PCCA: variants seen among roughly 807,000 people sequenced by gnomAD.
PCCA encodes the protein propionyl-CoA carboxylase subunit alpha, also known as propionyl-CoA carboxylase alpha chain, mitochondrial.
PCCA carries 74 observed loss-of-function variants against 101.3 expected under a neutral mutation model. That is an observed-to-expected ratio of 0.73 (90% CI 0.61 to 0.89). PCCA has a LOEUF of 0.89. Ranked by LOEUF, PCCA falls within the 40% of genes least tolerant of loss-of-function variation. PCCA has a pLI of 0.00. For synonymous variants in PCCA, 294 were observed against 313.6 expected, an observed-to-expected ratio of 0.94 and a Z score of 0.66; for missense variants, 891 against 907.0, an observed-to-expected ratio of 0.98 and a Z score of 0.23.
intron 21 of PCCA, among the ~76,000 whole-genome samples, chr13:100,492,938 C>G (rs1367157319): frequency 6.6e-6 from 1 of 151,908 alleles, no homozygotes; most frequent in Non-Finnish European, 1.5e-5. Context: ...CAGTAAAATC[C>G]TCACATTCAC....
chr13:100,149,505 C>T (rs1047287044), intron 4 of PCCA: 1 of 152,152 alleles, frequency 6.6e-6, no homozygotes, highest in African/African-American at 2.4e-5. Context: ...ATTCTACTTT[C>T]AGGATAATTT....
At chr13:100,207,100 A>T (rs2058904210) in intron 6 of PCCA, among the ~76,000 whole-genome samples, 1 of 152,192 alleles carries the variant, frequency 6.6e-6, no homozygotes, top group East Asian at 1.9e-4. Context: ...TTTTTTTGGT[A>T]AACTATCTTT....
chr13:100,219,478 C>T (rs986153466), intron 7 of PCCA, among the ~76,000 whole-genome samples: 1 of 152,042 alleles, frequency 6.6e-6, no homozygotes, highest in African/African-American at 2.4e-5. Context: ...TGTAGTGTCT[C>T]CTAGGAAGGG....
intron 19 of PCCA, among the ~76,000 whole-genome samples, chr13:100,396,855 G>T (rs1224308054): frequency 3.9e-5 from 6 of 152,150 alleles, no homozygotes; most frequent in African/African-American, 1.4e-4. Context: ...TTTGTTGAGT[G>T]AGGCTGGTGA....
intron 16 of PCCA, among the ~76,000 whole-genome samples, chr13:100,318,482 T>TC (rs1375672912): frequency 1.2e-5 from 1 of 80,878 alleles, no homozygotes; most frequent in Non-Finnish European, 2.4e-5. Flanking sequence ...CCCTCCCCCC[T>TC]CCCCCCACCC....
At chr13:100,389,912 C>T (rs886091681) in intron 19 of PCCA, among the ~76,000 whole-genome samples, 1 of 152,104 alleles carries the variant, frequency 6.6e-6, no homozygotes, top group African/African-American at 2.4e-5. Flanking sequence ...TGCAGGGAGT[C>T]GGACAGAGTT....
intron 7 of PCCA, among the ~76,000 whole-genome samples, chr13:100,233,421 G>C (rs566021500): frequency 6.6e-6 from 1 of 152,118 alleles, no homozygotes; most frequent in Non-Finnish European, 1.5e-5. Context: ...TGTGATGATT[G>C]TTGGTCCTTT....
rs2053159604 is a variant in PCCA at position 100,150,418 on chromosome 13, T to G, written c.301-4561T>G. 3 of 413,634 alleles carry G rather than the reference T, an allele frequency of 7.3e-6. No homozygotes were observed. In the South Asian group the frequency reaches 2.9e-4, roughly 40 times the overall value. 25.6% of individuals were successfully genotyped at this position (413,634 alleles called of 1,614,324 possible). ...TTTTTAATATTTTTATCATTGTATA[T>G]GTTTATTTATATTATTATTTCAAAT... On this transcript the variant is annotated intron_variant, in intron 4 of 23. Transcript: ENST00000376285.
rs530187714 is a variant in PCCA, at chr13:100,310,776, T to G, written c.1429+868T>G. Among the ~76,000 whole-genome samples the G allele has an allele frequency of 2.5e-4, 38 of 152,290 alleles. 1 individual carries two copies. In the South Asian group the frequency reaches 7.7e-3, roughly 31 times the overall value. On this transcript the variant is annotated intron_variant, in intron 16 of 23. Coordinates refer to ENST00000376285, the MANE Select transcript of PCCA (RefSeq NM_000282.4). ...ACTAAAATACAAAGTAGGCTTGCCA[T>G]TATTCTCCTAACTTTATATGTGTCA...
intron 13 of PCCA, among the ~76,000 whole-genome samples, chr13:100,302,050 A>G (rs2066102924): frequency 6.6e-6 from 1 of 152,068 alleles, no homozygotes; most frequent in Non-Finnish European, 1.5e-5. Flanking sequence ...TTTTTTTTGT[A>G]TAATTTTCTC....
chr13:100,449,134 C>T, intron 20 of PCCA, 118 bp from the exon 21 acceptor site: 1 of 619,498 alleles, frequency 1.6e-6, no homozygotes, highest in Non-Finnish European at 2.9e-6. Flanking sequence ...TATGGCTATA[C>T]TATATTTTGT....
At position 100,301,600 on chromosome 13, in the gene PCCA, T is replaced by C. The variant is rs1215523302; in HGVS notation, c.1206T>C (p.Ala402=). ...GGGCAGTTGAATGTCGGGTTTATGC[T>C]GAGGTAAAATGAATGGTGTTGGGAG... ...NGWAVECRVY[A]EDPYKSFGLP... is the part of the protein sequence containing the mutation. The change falls in exon 13 of 24, where the codon GCT becomes GCC. Residue 402 remains alanine (A), a synonymous_variant. Coordinates refer to ENST00000376285, the MANE Select transcript of PCCA (RefSeq NM_000282.4). The C allele has an allele frequency of 6.2e-7, 1 of 1,614,022 alleles. No homozygotes were observed. Among genetic ancestry groups the C allele is most frequent in the East Asian group, 2.2e-5 (1 of 44,878 alleles).
intron 8 of PCCA, chr13:100,236,993 T>C (rs9585385): frequency 0.17 from 25,138 of 152,246 alleles, 2,247 homozygotes; most frequent in African/African-American, 0.2. Context: ...AGCATTCCTG[T>C]ACGCCTCAGT....
intron 19 of PCCA, among the ~76,000 whole-genome samples, chr13:100,368,982 C>T (rs2152812513): frequency 6.6e-6 from 1 of 152,284 alleles, no homozygotes; most frequent in Non-Finnish European, 1.5e-5. Context: ...ACTCTTGAGG[C>T]TAAATTTACC....
At chr13:100,456,562 G>A (rs1178257116) in intron 21 of PCCA, among the ~76,000 whole-genome samples, 1 of 152,216 alleles carries the variant, frequency 6.6e-6, no homozygotes, top group South Asian at 2.1e-4. Flanking sequence ...AGGGGGCAGG[G>A]TAAGGAGGGT....
chr13:100,505,692 C>T (rs2086011279), intron 21 of PCCA, among the ~76,000 whole-genome samples: 1 of 152,186 alleles, frequency 6.6e-6, no homozygotes, highest in African/African-American at 2.4e-5. Flanking sequence ...TGGCAAAACC[C>T]CATCTCTACA....
intron 4 of PCCA, among the ~76,000 whole-genome samples, chr13:100,124,563 A>T (rs572711420): frequency 2.6e-5 from 4 of 152,228 alleles, no homozygotes; most frequent in Non-Finnish European, 5.9e-5. Flanking sequence ...ATCACTTTTT[A>T]TGCCTACCCT....
intron 19 of PCCA, among the ~76,000 whole-genome samples, chr13:100,416,002 G>A (rs906734761): frequency 3.3e-5 from 5 of 152,154 alleles, no homozygotes; most frequent in Admixed American, 1.3e-4. Flanking sequence ...AATTTAGGGT[G>A]TGTACTTTCT....
chr13:100,410,321 C>A (rs1190575477), intron 19 of PCCA, among the ~76,000 whole-genome samples: 2 of 152,172 alleles, frequency 1.3e-5, no homozygotes, highest in African/African-American at 4.8e-5. Context: ...GAGCTCACTG[C>A]AACCTCCACC....
Sources: gnomAD v4.1 joint callset for allele counts (sites outside exome capture counted in the v4.1 genomes callset) on GRCh38, gnomAD v4.1.1 for gene constraint, MANE v1.5 for transcripts, NCBI Gene and HGNC (gene_info 2026-07-23, HGNC 2026-07-21) for gene names.